The following GHR variants were observed in gnomAD, a reference collection of about 807,000 sequenced individuals.
GHR encodes growth hormone receptor.
A neutral mutation model predicts 67.1 loss-of-function variants in GHR; 35 were observed. That is an observed-to-expected ratio of 0.52 (90% CI 0.40 to 0.69). The LOEUF is 0.69. Ranked by LOEUF, GHR falls within the 30% of genes least tolerant of loss-of-function variation. The pLI, the probability that GHR is intolerant of heterozygous loss-of-function variation, is 0.00. For synonymous variants in GHR, 272 were observed against 269.1 expected, an observed-to-expected ratio of 1.01 and a Z score of -0.10; for missense variants, 792 against 764.6, an observed-to-expected ratio of 1.04 and a Z score of -0.42.
intron 1 of GHR, among the ~76,000 whole-genome samples, chr5:42,453,321 C>T (rs373797888): frequency 2.0e-5 from 3 of 152,172 alleles, no homozygotes; most frequent in African/African-American, 7.2e-5. Flanking sequence ...ATTTACTGGT[C>T]TTTTATTTAC....
chr5:42,697,943 A>G (rs1757757122), intron 5 of GHR, among the ~76,000 whole-genome samples: 1 of 152,144 alleles, frequency 6.6e-6, no homozygotes, highest in Non-Finnish European at 1.5e-5. Flanking sequence ...GCGGTGGGAC[A>G]TGGTTGGATT....
chr5:42,511,578 TTTG>T (rs1356857109), intron 1 of GHR, among the ~76,000 whole-genome samples: 1 of 152,176 alleles, frequency 6.6e-6, no homozygotes, highest in African/African-American at 2.4e-5. Context: ...TCCTCTGTTT[TTTG>T]TTTTTTGTTT....
At chr5:42,689,346 G>C (rs142827003) in intron 4 of GHR, among the ~76,000 whole-genome samples, 1 of 152,280 alleles carries the variant, frequency 6.6e-6, no homozygotes, top group East Asian at 1.9e-4. Flanking sequence ...AAGCCAGAAA[G>C]CAGCATATCA....
intron 1 of GHR, among the ~76,000 whole-genome samples, chr5:42,490,867 C>T (rs557501308): frequency 6.6e-6 from 1 of 152,242 alleles, no homozygotes; most frequent in East Asian, 1.9e-4. Flanking sequence ...AATTTAACTA[C>T]TGAAGGGAAA....
chr5:42,436,424 C>T (rs1743330058), intron 1 of GHR, among the ~76,000 whole-genome samples: 1 of 152,148 alleles, frequency 6.6e-6, no homozygotes, highest in African/African-American at 2.4e-5. Flanking sequence ...ATGGTATACA[C>T]TTCTTTGTGA....
rs749926367 is a variant in GHR at position 42,718,751 on chromosome 5, A to G, written c.1244A>G (p.Gln415Arg). 15 of 1,613,986 alleles carry G rather than the reference A, an allele frequency of 9.3e-6. No homozygotes were observed. Among genetic ancestry groups the G allele is most frequent in the African/African-American group, 1.3e-5 (1 of 74,936 alleles). ...GGTACCTCAGAGGTTGCTCAGCCACAGAGGTTAAAAGGGGAAGCAGATCTC... is the reference window on the plus strand; with the variant it reads ...GGTACCTCAGAGGTTGCTCAGCCACGGAGGTTAAAAGGGGAAGCAGATCTC... ...HEGTSEVAQP[Q>R]RLKGEADLLC... Residue 415 changes from glutamine (Q) to arginine (R), a missense_variant, in exon 10 of 10, where the codon CAG becomes CGG. Coordinates refer to ENST00000230882, the MANE Select transcript of GHR (RefSeq NM_000163.5).
At chr5:42,438,510 TG>T in intron 1 of GHR, among the ~76,000 whole-genome samples, 1 of 152,350 alleles carries the variant, frequency 6.6e-6, no homozygotes, top group South Asian at 2.1e-4. Flanking sequence ...TCATTCAAAG[TG>T]GCTCCTGTCT....
chr5:42,541,481 G>C (rs1450045327), intron 1 of GHR, among the ~76,000 whole-genome samples: 1 of 151,954 alleles, frequency 6.6e-6, no homozygotes, highest in East Asian at 1.9e-4. Flanking sequence ...AGTGGGGTTG[G>C]GAAAAAATCA....
At chr5:42,439,937 A>AT (rs1271049154) in intron 1 of GHR, among the ~76,000 whole-genome samples, 1 of 152,178 alleles carries the variant, frequency 6.6e-6, no homozygotes, top group African/African-American at 2.4e-5. Context: ...TTCTCAAAAC[A>AT]TTTTTTATAT....
chr5:42,586,251 T>A (rs1004810288), intron 2 of GHR, among the ~76,000 whole-genome samples: 2 of 152,146 alleles, frequency 1.3e-5, no homozygotes, highest in Non-Finnish European at 2.9e-5. Context: ...CTCCTATTTT[T>A]CTTCCTCCCA....
At chr5:42,479,359 G>A (rs887727101) in intron 1 of GHR, among the ~76,000 whole-genome samples, 1 of 152,116 alleles carries the variant, frequency 6.6e-6, no homozygotes, top group South Asian at 2.1e-4. Context: ...TTTTGGTTGT[G>A]TCTCTGCCAG....
intron 1 of GHR, among the ~76,000 whole-genome samples, chr5:42,461,383 C>T (rs2112044785): frequency 6.6e-6 from 1 of 152,350 alleles, no homozygotes; most frequent in Admixed American, 6.5e-5. Context: ...CAAGGTCTGA[C>T]ACCTGCCTTC....
chr5:42,569,523 T>G (rs1413370259), intron 2 of GHR, among the ~76,000 whole-genome samples: 4 of 152,072 alleles, frequency 2.6e-5, no homozygotes, highest in African/African-American at 9.7e-5. Flanking sequence ...AAAGAGGAAG[T>G]GTATGCCATA....
At chr5:42,564,297 AGTGTGAGATTTATTTGAAATCTCACAAT>A (rs879553015) in intron 1 of GHR, among the ~76,000 whole-genome samples, 27,823 of 92,766 alleles carry the variant, frequency 0.3, 3,011 homozygotes, top group African/African-American at 0.38. Flanking sequence ...AATCTCACAA[AGTGTGAGATTTATTTGAAATCTCACAAT>A]GTGTGAGATT....
chr5:42,568,643 T>C (rs1265423657), intron 2 of GHR, among the ~76,000 whole-genome samples: 9 of 152,182 alleles, frequency 5.9e-5, no homozygotes, highest in Non-Finnish European at 1.3e-4. Flanking sequence ...AATATACCCT[T>C]TGACCTCAGT....
intron 2 of GHR, among the ~76,000 whole-genome samples, chr5:42,615,931 T>G (rs1447820402): frequency 6.6e-6 from 1 of 152,090 alleles, no homozygotes; most frequent in Non-Finnish European, 1.5e-5. Flanking sequence ...TTACAAATGG[T>G]CCACATTTTA....
chr5:42,713,607 G>A (rs1758579463), intron 8 of GHR, 88 bp downstream of exon 8: 2 of 759,368 alleles, frequency 2.6e-6, no homozygotes, highest in Admixed American at 3.6e-5. Flanking sequence ...TATTTTCTTT[G>A]TCAAATTATG....
At chr5:42,432,461 G>T (rs1743136193) in intron 1 of GHR, among the ~76,000 whole-genome samples, 2 of 152,170 alleles carry the variant, frequency 1.3e-5, no homozygotes, top group South Asian at 4.1e-4. Context: ...TGGTCAGAAA[G>T]GCAGCCTTTG....
intron 1 of GHR, among the ~76,000 whole-genome samples, chr5:42,522,836 C>G (rs1747535167): frequency 6.6e-6 from 1 of 152,094 alleles, no homozygotes; most frequent in South Asian, 2.1e-4. Context: ...AGGTGGTTGT[C>G]TATGCTTCTG....
Sources: allele counts gnomAD v4.1 joint callset (sites outside exome capture counted in the v4.1 genomes callset), GRCh38; gene constraint gnomAD v4.1.1; transcripts MANE v1.5; gene names NCBI Gene and HGNC (gene_info 2026-07-23, HGNC 2026-07-21).